The following PF4 variants were observed in gnomAD, a reference collection of about 807,000 sequenced individuals.
PF4 encodes C-X-C motif chemokine 4.
PF4 carries 8 observed loss-of-function variants against 6.9 expected under a neutral mutation model. The observed-to-expected ratio is 1.16, with a 90% CI of 0.68 to 2.09. The LOEUF is 2.09. PF4 is among the 30% of genes most tolerant of loss of function. PF4 has a pLI of 0.00. For synonymous variants in PF4, 55 were observed against 56.5 expected (o/e 0.97, Z 0.12); for missense variants, 111 against 122.9 (o/e 0.90, Z 0.46).
chr4:73,982,005 C>G lies in PF4; in HGVS notation c.-52G>C, dbSNP rs1393670857. 3 of 1,454,762 alleles carry G rather than the reference C, an allele frequency of 2.1e-6. No individual in the cohort carries two copies. Among genetic ancestry groups the G allele is most frequent in the South Asian group, 1.2e-5 (1 of 81,576 alleles). 90.1% of individuals were successfully genotyped at this position (1,454,762 alleles called of 1,614,324 possible). A position where few individuals can be genotyped will look rare whatever the true frequency, so the allele number is the denominator to read the frequency against. The stretch of plus-strand genomic sequence containing the variant: ...TCAGTGCTCAGTGCGATGGGAAACT[C>G]GGGCTGGGTCTCTGTGGCCAATGAC... On this transcript the variant is annotated 5_prime_UTR_variant, in exon 1 of 3. Transcript: ENST00000296029.
At chr4:73,981,721 C>T in intron 1 of PF4, 142 bp downstream of exon 1, 1 of 1,475,858 alleles carries the variant, frequency 6.8e-7, no homozygotes. Context: ...GGTGCAGCGC[C>T]TGGCACTGTG....
chr4:73,981,875 C>A lies in PF4; in HGVS notation c.79G>T (p.Ala27Ser), dbSNP rs915500046. The A allele has an allele frequency of 3.2e-6, 5 of 1,551,152 alleles. No homozygotes were observed. The highest frequency in any genetic ancestry group is 3.5e-6 in the Non-Finnish European group (4 of 1,146,918). The change falls in exon 1 of 3, where the codon GCC becomes TCC. Residue 27 changes from alanine (A) to serine (S), a missense_variant. Coordinates refer to ENST00000296029, the MANE Select transcript of PF4 (RefSeq NM_002619.4). ...CTTCTGCTCTCACCGCTGGCGAAGG[C>A]GACCACAAGTGGCAGGAGCAGCAAC... is the stretch of plus-strand genomic sequence containing the variant. ...LGLLLLPLVV[A>S]FASAEAEEDG...
chr4:73,982,059 C>T (rs1186687803), upstream of PF4: 1 of 903,598 alleles, frequency 1.1e-6, no homozygotes, highest in Non-Finnish European at 1.7e-6. Flanking sequence ...CGTTTTATTC[C>T]CGGCTGTCCT....
intron 1 of PF4, 57 bp downstream of exon 1, chr4:73,981,806 G>T (rs1718804403): frequency 1.3e-6 from 2 of 1,540,860 alleles, no homozygotes; most frequent in Admixed American, 4.0e-5. Context: ...CAGCCCCAGG[G>T]CTTCCCGGAC....
rs1259300385 is a variant in PF4, at chr4:73,980,890, G to C, written c.*314C>G. 1.3e-5 allele frequency among the ~76,000 whole-genome samples: 2 copies of C among 152,214 alleles called. No individual in the cohort carries two copies. The highest frequency in any genetic ancestry group is 4.8e-5 in the African/African-American group (2 of 41,452). Reference sequence around the variant, plus strand: ...GTCAAGGTAAATATGTAGCTATAAAGTACTGCAATCATGTAAATGCATGAA... The same window carrying C: ...GTCAAGGTAAATATGTAGCTATAAACTACTGCAATCATGTAAATGCATGAA... On this transcript the variant is annotated 3_prime_UTR_variant, in exon 3 of 3. Transcript: ENST00000296029.
chr4:73,981,864 G>A lies in PF4; in HGVS notation c.90C>T (p.Ser30=), dbSNP rs749785500. The change falls in exon 1 of 3, where the codon AGC becomes AGT. Residue 30 remains serine, a splice_region_variant and synonymous_variant. Transcript: ENST00000296029. ...TCACAGCCTGGCTTCTGCTCTCACC[G>A]CTGGCGAAGGCGACCACAAGTGGCA... ...LLLPLVVAFA[S]AEAEEDGDLQ... 2.1e-5 allele frequency: 32 copies of A among 1,550,968 alleles called. No homozygotes were observed. The highest frequency in any genetic ancestry group is 2.7e-5 in the Non-Finnish European group (31 of 1,146,850).
At position 73,981,475 on chromosome 4, in the gene PF4, G is replaced by C. The variant is rs753842279; in HGVS notation, c.160C>G (p.His54Asp). The change falls in exon 2 of 3, where the codon CAC becomes GAC. Residue 54 changes from histidine to aspartate, a missense_variant. Physicochemically the swap from His to Asp is moderately conservative, Grantham distance 81 (BLOSUM62 -1). Coordinates refer to ENST00000296029, the MANE Select transcript of PF4 (RefSeq NM_002619.4). The part of the protein sequence containing the change: ...VKTTSQVRPR[H>D]ITSLEVIKAG... ...TTGATCACCTCCAGGCTGGTGATGT[G>C]CCTGGGACGGACCTGGGAGGTGGTC... 6.2e-7 allele frequency: 1 copy of C among 1,614,208 alleles called. No homozygotes were observed. The highest frequency in any genetic ancestry group is 8.5e-7 in the Non-Finnish European group (1 of 1,180,042).
At position 73,981,982 on chromosome 4, in the gene PF4, AGT is replaced by A. The variant is rs748797747; in HGVS notation, c.-31_-30del. 17 of 1,529,406 alleles carry A rather than the reference AGT, an allele frequency of 1.1e-5. No individual in the cohort carries two copies. Among genetic ancestry groups the A allele is most frequent in the Admixed American group, 2.0e-5 (1 of 50,782 alleles). The allele number at this position is 1,529,406 out of a possible 1,614,324, so 94.7% of individuals were successfully genotyped here. A position where few individuals can be genotyped will look rare whatever the true frequency, so the allele number is the denominator to read the frequency against. ...GCGGCAGAGCTTCCAGCAGGATCTC[AGT>A]GCTCAGTGCGATGGGAAACTCGGGC... On this transcript the variant is annotated 5_prime_UTR_variant, in exon 1 of 3. Transcript: ENST00000296029.
chr4:73,981,108 G>A lies in PF4; in HGVS notation c.*96C>T, dbSNP rs1578176915. On this transcript the variant is annotated 3_prime_UTR_variant, in exon 3 of 3. Transcript: ENST00000296029. The stretch of plus-strand genomic sequence containing the variant: ...TATTTTGTTTATTTAAAATCATAAG[G>A]ATAACACAAATATCAGAAGTTCTTT... The A allele has an allele frequency of 5.3e-5, 45 of 845,122 alleles. No homozygotes were observed. The East Asian group carries it at 1.1e-3, about 21-fold the overall frequency. The allele number at this position is 845,122 out of a possible 1,614,324, so 52.4% of individuals were successfully genotyped here.
chr4:73,981,079 GAT>G lies in PF4; in HGVS notation c.*123_*124del, dbSNP rs1437818244. ...AAGTATTTTGACTATACTACAACTT[GAT>G]TTATTTTGTTTATTTAAAATCATAA... On this transcript the variant is annotated 3_prime_UTR_variant, in exon 3 of 3. Coordinates refer to ENST00000296029, the MANE Select transcript of PF4 (RefSeq NM_002619.4). The G allele has an allele frequency of 2.0e-5, 14 of 712,346 alleles. No individual in the cohort carries two copies. The highest frequency in any genetic ancestry group is 3.0e-5 in the Non-Finnish European group (13 of 427,578). The allele number at this position is 712,346 out of a possible 1,614,324, so 44.1% of individuals were successfully genotyped here.
At chr4:73,981,714 G>A in intron 1 of PF4, 149 bp downstream of exon 1, 1 of 1,473,206 alleles carries the variant, frequency 6.8e-7, no homozygotes, top group Non-Finnish European at 9.0e-7. Flanking sequence ...AGGTGCAGGT[G>A]CAGCGCCTGG....
In PF4 at chr4:73,981,506, A is replaced by C; in HGVS notation, c.129T>G (p.Cys43Trp). 6.2e-7 allele frequency: 1 copy of C among 1,614,068 alleles called. No individual in the cohort carries two copies. Among genetic ancestry groups the C allele is most frequent in the Non-Finnish European group, 8.5e-7 (1 of 1,179,982 alleles). The part of the protein sequence containing the change: ...AEEDGDLQCL[C>W]VKTTSQVRPR... ...GACGGACCTGGGAGGTGGTCTTCACACACAGGCACTGCAGGTCCCCATCTT... is the reference window on the plus strand; with the variant it reads ...GACGGACCTGGGAGGTGGTCTTCACCCACAGGCACTGCAGGTCCCCATCTT... The change falls in exon 2 of 3, where the codon TGT becomes TGG. Residue 43 changes from cysteine (C) to tryptophan (W), a missense_variant. Coordinates refer to ENST00000296029, the MANE Select transcript of PF4 (RefSeq NM_002619.4).
chr4:73,981,779 C>T (rs1297898970), intron 1 of PF4, 84 bp downstream of exon 1: 2 of 1,516,570 alleles, frequency 1.3e-6, no homozygotes, highest in Admixed American at 2.1e-5. Context: ...TGATCATGAT[C>T]CTAGAGGATT....
At chr4:73,981,618 T>G in intron 1 of PF4, 75 bp from the exon 2 acceptor site, 1 of 1,534,006 alleles carries the variant, frequency 6.5e-7, no homozygotes, top group Non-Finnish European at 8.8e-7. Flanking sequence ...AGAGGTACTT[T>G]AGGGACTTTT....
chr4:73,981,684 A>G, intron 1 of PF4, 141 bp from the exon 2 acceptor site: 1 of 1,477,694 alleles, frequency 6.8e-7, no homozygotes. Context: ...CCCAGACAGA[A>G]GTTGTTCTAA....
In PF4 at chr4:73,981,063, G is replaced by A. The variant is rs1401749817; in HGVS notation, c.*141C>T. The A allele has an allele frequency of 1.2e-5, 8 of 653,706 alleles. No homozygotes were observed. Among genetic ancestry groups the A allele is most frequent in the Non-Finnish European group, 1.8e-5 (7 of 384,112 alleles). 40.5% of individuals were successfully genotyped at this position (653,706 alleles called of 1,614,324 possible). On this transcript the variant is annotated 3_prime_UTR_variant, in exon 3 of 3. Transcript: ENST00000296029. Reference sequence around the variant, plus strand: ...TTGCACTATTATTAAGAAGTATTTTGACTATACTACAACTTGATTTATTTT... The same window carrying A: ...TTGCACTATTATTAAGAAGTATTTTAACTATACTACAACTTGATTTATTTT...
chr4:73,981,378 C>A, intron 2 of PF4, 39 bp downstream of exon 2: 3 of 1,613,948 alleles, frequency 1.9e-6, no homozygotes, highest in Non-Finnish European at 1.7e-6. Context: ...AGAGGAGGCA[C>A]GGAGCGGGAG....
rs142397385 is a variant in PF4 at position 73,981,286 on chromosome 4, G to T, written c.224C>A (p.Thr75Lys). 7 of 1,614,118 alleles carry T rather than the reference G, an allele frequency of 4.3e-6. No individual in the cohort carries two copies. The highest frequency in any genetic ancestry group is 5.9e-6 in the Non-Finnish European group (7 of 1,179,998). ...GCAAATTTTCCTTCCATTCTTCAGC[G>T]TGGCTCTGGCAGGGAAAAGAGAAGA... ...PHCPTAQLIA[T>K]LKNGRKICLD... The change falls in exon 3 of 3, where the codon ACG becomes AAG. Residue 75 changes from threonine (T) to lysine (K), a missense_variant. Coordinates refer to ENST00000296029, the MANE Select transcript of PF4 (RefSeq NM_002619.4).
chr4:73,981,569 A>T, intron 1 of PF4, 26 bp from the exon 2 acceptor site: 1 of 1,600,700 alleles, frequency 6.2e-7, no homozygotes, highest in Non-Finnish European at 8.5e-7. Flanking sequence ...AGAGGGTAAG[A>T]GAGGAGGAGG....
Sources: gnomAD v4.1 joint callset for allele counts (sites outside exome capture counted in the v4.1 genomes callset) on GRCh38, gnomAD v4.1.1 for gene constraint, MANE v1.5 for transcripts, NCBI Gene and HGNC (gene_info 2026-07-23, HGNC 2026-07-21) for gene names.